CD1B: variants seen among roughly 807,000 people sequenced by gnomAD.
The protein encoded by CD1B is T-cell surface glycoprotein CD1b.
A neutral mutation model predicts 39.8 loss-of-function variants in CD1B; 43 were observed. That is an observed-to-expected ratio of 1.08 (90% CI 0.85 to 1.39). The LOEUF (loss-of-function observed/expected upper bound fraction) is 1.39. Ranked by LOEUF, CD1B falls within the 40% of genes most tolerant of loss-of-function variation. The pLI is 0.00. For synonymous variants in CD1B, 192 were observed against 152.5 expected, an observed-to-expected ratio of 1.26 and a Z score of -1.91; for missense variants, 495 against 403.8, an observed-to-expected ratio of 1.23 and a Z score of -1.94.
At chr1:158,290,201 T>C in the CD1B span, 1 of 1,304,394 alleles carries the variant, frequency 7.7e-7, no homozygotes, top group Non-Finnish European at 1.1e-6. Context: ...GATGGATCAA[T>C]AGAGATGCCA....
At chr1:158,314,963 A>T in the CD1B span, among the ~76,000 whole-genome samples, 1 of 148,506 alleles carries the variant, frequency 6.7e-6, no homozygotes, top group South Asian at 2.2e-4. Flanking sequence ...AATTTCATCC[A>T]TGTCCCTACA....
intron 5 of CD1B, 49 bp downstream of exon 5, chr1:158,328,872 G>T (rs554271771): frequency 2.3e-6 from 3 of 1,279,886 alleles, no homozygotes; most frequent in East Asian, 2.4e-5. Context: ...GTGGAAGGGT[G>T]AACAGAAAAG....
chr1:158,298,802 T>C, the CD1B span, among the ~76,000 whole-genome samples: 64 of 152,308 alleles, frequency 4.2e-4, no homozygotes, highest in African/African-American at 1.4e-3. Context: ...TCACTCATGA[T>C]TTGGCTCTCT....
chr1:158,292,342 G>C, the CD1B span: 2 of 1,613,806 alleles, frequency 1.2e-6, no homozygotes, highest in African/African-American at 2.7e-5. Context: ...CTGGATGCAG[G>C]GAAGATGTAT....
the CD1B span, among the ~76,000 whole-genome samples, chr1:158,301,280 G>A: frequency 6.6e-6 from 1 of 151,996 alleles, no homozygotes; most frequent in Non-Finnish European, 1.5e-5. Context: ...GTCATATTTA[G>A]CTCATTTATA....
the CD1B span, among the ~76,000 whole-genome samples, chr1:158,296,227 G>T: frequency 1.1e-4 from 16 of 145,926 alleles, no homozygotes; most frequent in Admixed American, 8.9e-4. Context: ...GGAGCACCTT[G>T]GCCCCCTCCA....
the CD1B span, among the ~76,000 whole-genome samples, chr1:158,304,841 C>T: frequency 6.6e-6 from 1 of 152,174 alleles, no homozygotes; most frequent in African/African-American, 2.4e-5. Flanking sequence ...TGGAGTAGAC[C>T]TCCAGCAAAC....
chr1:158,317,502 G>A, the CD1B span, among the ~76,000 whole-genome samples: 2 of 152,056 alleles, frequency 1.3e-5, no homozygotes, highest in Non-Finnish European at 2.9e-5. Flanking sequence ...TGGGATCGGT[G>A]GTGATATCCC....
At chr1:158,315,547 C>G in the CD1B span, among the ~76,000 whole-genome samples, 2 of 151,560 alleles carry the variant, frequency 1.3e-5, no homozygotes, top group Admixed American at 1.3e-4. Flanking sequence ...ATTGTAGATT[C>G]TCGATATTAG....
At chr1:158,297,015 T>C in the CD1B span, among the ~76,000 whole-genome samples, 3 of 152,028 alleles carry the variant, frequency 2.0e-5, no homozygotes, top group Admixed American at 1.3e-4. Context: ...GTGCAAACAA[T>C]TGAAAACATA....
At chr1:158,293,376 C>G in the CD1B span, 1 of 1,590,682 alleles carries the variant, frequency 6.3e-7, no homozygotes, top group Non-Finnish European at 8.6e-7. Context: ...CTTAGCTTTT[C>G]TCTATTGACT....
At chr1:158,291,451 G>A in the CD1B span, 2 of 1,577,244 alleles carry the variant, frequency 1.3e-6, no homozygotes, top group Non-Finnish European at 1.7e-6. Context: ...TTCTATTTCA[G>A]GGAAATATTC....
At chr1:158,306,922 T>C in the CD1B span, among the ~76,000 whole-genome samples, 1,021 of 152,068 alleles carry the variant, frequency 6.7e-3, 3 homozygotes, top group Non-Finnish European at 0.012. Flanking sequence ...CTGGGACACA[T>C]TCAAGGCAGT....
downstream of CD1B, among the ~76,000 whole-genome samples, chr1:158,326,737 C>G (rs973333666): frequency 2.0e-5 from 3 of 151,968 alleles, no homozygotes; most frequent in Non-Finnish European, 1.5e-5. Flanking sequence ...TCAAAACTGT[C>G]TAATGAGCAA....
the CD1B span, among the ~76,000 whole-genome samples, chr1:158,315,053 T>A: frequency 1.3e-5 from 2 of 149,568 alleles, no homozygotes; most frequent in African/African-American, 5.0e-5. Context: ...ATCCAGTCTA[T>A]CATTGTTGGA....
chr1:158,314,124 G>T, the CD1B span, among the ~76,000 whole-genome samples: 1,759 of 151,992 alleles, frequency 0.012, 34 homozygotes, highest in African/African-American at 0.04. Context: ...TAGCTCCATT[G>T]CCCAGGCTGG....
At chr1:158,293,492 C>G in the CD1B span, 2 of 1,614,106 alleles carry the variant, frequency 1.2e-6, no homozygotes, top group South Asian at 2.2e-5. Context: ...TTCCCCCTGA[C>G]TCCCCCATTG....
downstream of CD1B, among the ~76,000 whole-genome samples, chr1:158,324,404 G>T (rs1279377270): frequency 2.6e-5 from 4 of 152,082 alleles, no homozygotes; most frequent in Non-Finnish European, 5.9e-5. Context: ...TGGAGTTGGG[G>T]GATATGAGTG....
the CD1B span, among the ~76,000 whole-genome samples, chr1:158,315,747 A>T: frequency 6.6e-6 from 1 of 151,948 alleles, no homozygotes; most frequent in Non-Finnish European, 1.5e-5. Context: ...CTATGTCCTG[A>T]ATGGTATTGC....
Sources: allele counts gnomAD v4.1 joint callset (sites outside exome capture counted in the v4.1 genomes callset), GRCh38; gene constraint gnomAD v4.1.1; transcripts MANE v1.5; gene names NCBI Gene and HGNC (gene_info 2026-07-23, HGNC 2026-07-21).